PARL: variants seen among roughly 807,000 people sequenced by gnomAD.
The protein encoded by PARL is presenilin associated rhomboid like, also known as presenilin-associated rhomboid-like protein, mitochondrial.
Under a neutral mutation model 51.6 loss-of-function variants are expected in PARL, and 44 were observed. The ratio of observed to expected loss-of-function variants is 0.85; its 90% CI spans 0.67 to 1.10. The LOEUF is 1.10. Ranked by LOEUF, PARL falls within the 50% of genes least tolerant of loss-of-function variation. The pLI, the probability that PARL is intolerant of heterozygous loss-of-function variation, is 0.00. For missense variants in PARL, 441 were observed against 469.5 expected, an observed-to-expected ratio of 0.94 and a Z score of 0.56; for synonymous variants, 172 against 164.0, an observed-to-expected ratio of 1.05 and a Z score of -0.37.
At chr3:183,849,175 A>C (rs1416106790) in intron 4 of PARL, among the ~76,000 whole-genome samples, 1 of 152,172 alleles carries the variant, frequency 6.6e-6, no homozygotes, top group Non-Finnish European at 1.5e-5. Flanking sequence ...CAGCTCTATA[A>C]AACGACTAGA....
chr3:183,882,408 CATATAT>C (rs753133425), intron 1 of PARL, among the ~76,000 whole-genome samples: 3 of 141,110 alleles, frequency 2.1e-5, no homozygotes, highest in African/African-American at 5.2e-5. Context: ...TATACACACA[CATATAT>C]ATAGAGAGAG....
chr3:183,882,300 TAC>T (rs1458993059), intron 1 of PARL, among the ~76,000 whole-genome samples: 30 of 105,740 alleles, frequency 2.8e-4, no homozygotes, highest in Admixed American at 9.1e-4. Context: ...CACATATATA[TAC>T]ACACACATAT....
intron 4 of PARL, among the ~76,000 whole-genome samples, chr3:183,850,990 C>T (rs1046957915): frequency 2.0e-5 from 3 of 152,266 alleles, no homozygotes; most frequent in South Asian, 2.1e-4. Context: ...TCCAGAAATA[C>T]ACCCATACGA....
intron 6 of PARL, 53 bp from the exon 7 acceptor site, chr3:183,840,693 CTTTT>C: frequency 2.7e-6 from 2 of 736,738 alleles, no homozygotes; most frequent in Non-Finnish European, 4.4e-6. Flanking sequence ...AAATGGTTTA[CTTTT>C]TTTTTTCTTT....
At chr3:183,826,830 T>C, downstream of PARL, 3 of 950,340 alleles carry the variant, frequency 3.2e-6, no homozygotes, top group Non-Finnish European at 3.8e-6. Context: ...CGCTTGGGAC[T>C]AAAATTCTCC....
intron 4 of PARL, 101 bp from the exon 5 acceptor site, chr3:183,844,427 G>C: frequency 1.3e-6 from 1 of 798,218 alleles, no homozygotes; most frequent in Non-Finnish European, 2.2e-6. Context: ...TTATGTAAGA[G>C]TACTGTATAC....
chr3:183,826,700 C>T, downstream of PARL: 1 of 985,298 alleles, frequency 1.0e-6, no homozygotes, highest in African/African-American at 1.7e-5. Context: ...TCCCAGCAGG[C>T]AGCAGGCGAG....
chr3:183,882,227 ATATATATATATATATATT>A (rs1335766987), intron 1 of PARL, among the ~76,000 whole-genome samples: 1,079 of 48,390 alleles, frequency 0.022, 60 homozygotes, highest in African/African-American at 0.047. Context: ...AAAAAAATAT[ATATATATATATATATATT>A]TATATATATA....
At chr3:183,830,413 C>T (rs757502326) in intron 9 of PARL, among the ~76,000 whole-genome samples, 2 of 152,154 alleles carry the variant, frequency 1.3e-5, no homozygotes, top group African/African-American at 2.4e-5. Context: ...TTTCCTGCAG[C>T]GTGTAGGGAG....
At chr3:183,837,491 ACCCTT>A (rs1728762974) in intron 7 of PARL, among the ~76,000 whole-genome samples, 1 of 152,020 alleles carries the variant, frequency 6.6e-6, no homozygotes, top group African/African-American at 2.4e-5. Context: ...GGAAAGAAGC[ACCCTT>A]GCTCCTCCTA....
At chr3:183,840,086 TTTG>T (rs1318203812) in intron 7 of PARL, among the ~76,000 whole-genome samples, 2 of 152,176 alleles carry the variant, frequency 1.3e-5, no homozygotes, top group African/African-American at 2.4e-5. Context: ...AGGAGCCTTT[TTTG>T]TTGTTGTTGT....
intron 1 of PARL, 32 bp from the exon 2 acceptor site, chr3:183,868,092 A>G (rs945359018): frequency 1.3e-6 from 2 of 1,520,638 alleles, no homozygotes. Context: ...TGAGAAACAC[A>G]GTAGCGTCTT....
intron 6 of PARL, among the ~76,000 whole-genome samples, chr3:183,841,082 A>G (rs1249629573): frequency 6.6e-6 from 1 of 152,168 alleles, no homozygotes; most frequent in East Asian, 1.9e-4. Context: ...CAACTATAAC[A>G]TGAAGACTCA....
Position 183,881,620 on chromosome 3 carries a change from T to C in PARL, c.125+3102A>G, listed in dbSNP as rs186987617. 1.1e-3 allele frequency among the ~76,000 whole-genome samples: 172 copies of C among 152,320 alleles called. 3 individuals are homozygous for C. Among genetic ancestry groups the C allele is most frequent in the Middle Eastern group, 3.4e-3 (1 of 294 alleles). On this transcript the variant is annotated intron_variant, in intron 1 of 9. Coordinates refer to ENST00000317096, the MANE Select transcript of PARL (RefSeq NM_018622.7). ...TTAAAACAAAATAGAGCCCGAGGCA[T>C]GGTAGTGTGTACCTGTAGTCCTTGC...
chr3:183,857,870 GT>G (rs1383264607), intron 4 of PARL, among the ~76,000 whole-genome samples: 2 of 152,164 alleles, frequency 1.3e-5, no homozygotes, highest in Non-Finnish European at 2.9e-5. Context: ...TATCAGAAAG[GT>G]AATTAATGGT....
intron 9 of PARL, 48 bp downstream of exon 9, chr3:183,833,444 C>T (rs559799150): frequency 1.3e-5 from 14 of 1,108,042 alleles, no homozygotes; most frequent in African/African-American, 3.1e-5. Context: ...GTAGGAGGAG[C>T]GCATGACCCA....
At chr3:183,872,203 C>T (rs565600562) in intron 1 of PARL, among the ~76,000 whole-genome samples, 1 of 152,116 alleles carries the variant, frequency 6.6e-6, no homozygotes, top group African/African-American at 2.4e-5. Flanking sequence ...GGTTTTACCA[C>T]GTTATTCAGG....
chr3:183,873,220 T>G (rs974203185), intron 1 of PARL, among the ~76,000 whole-genome samples: 1 of 152,108 alleles, frequency 6.6e-6, no homozygotes, highest in African/African-American at 2.4e-5. Flanking sequence ...GATGACAAGT[T>G]GACAGCCGGG....
At chr3:183,841,144 T>C (rs866699014) in intron 6 of PARL, among the ~76,000 whole-genome samples, 23 of 152,288 alleles carry the variant, frequency 1.5e-4, no homozygotes, top group African/African-American at 5.5e-4. Flanking sequence ...AATCAGAATA[T>C]CTGGGGTGGG....
Sources: gnomAD v4.1 joint callset for allele counts (sites outside exome capture counted in the v4.1 genomes callset) on GRCh38, gnomAD v4.1.1 for gene constraint, MANE v1.5 for transcripts, NCBI Gene and HGNC (gene_info 2026-07-23, HGNC 2026-07-21) for gene names.